Variants in POLG observed in about 807,000 individuals in gnomAD.
The protein encoded by POLG is DNA polymerase gamma, catalytic subunit.
A neutral mutation model predicts 155.4 loss-of-function variants in POLG; 110 were observed. The ratio of observed to expected loss-of-function variants is 0.71; its 90% CI spans 0.61 to 0.83. The LOEUF is 0.83. Among genes scored for constraint, POLG ranks in the 40% least tolerant of loss-of-function variants. POLG has a pLI of 0.00. For synonymous variants in POLG, 701 were observed against 631.5 expected (o/e 1.11, Z -1.65); for missense variants, 1,685 against 1,627.5 (o/e 1.04, Z -0.61).
At chr15:89,328,587 C>T in intron 5 of POLG, 52 bp from the exon 6 acceptor site, 1 of 1,606,004 alleles carries the variant, frequency 6.2e-7, no homozygotes, top group Non-Finnish European at 8.5e-7. Flanking sequence ...CCATTACCAC[C>T]ACCAGCTCTC....
In POLG at chr15:89,325,503, G is replaced by C. The variant is rs773697653; in HGVS notation, c.1896C>G (p.Ala632=). The C allele has an allele frequency of 2.5e-6, 4 of 1,610,300 alleles. No homozygotes were observed. In the East Asian group the frequency reaches 8.9e-5, roughly 36 times the overall value. ...CCAGGGTGGTACCTGTCGGCAGCTT[G>C]GCCAGGTTGTCCCGCCGCCCAGGCA... ...YLVPGRRDNL[A]KLPTGTTLES... The change falls in exon 10 of 23, where the codon GCC becomes GCG. Residue 632 remains alanine, a synonymous_variant. Coordinates refer to ENST00000268124, the MANE Select transcript of POLG (RefSeq NM_002693.3).
Position 89,333,720 on chromosome 15 carries a change from G to A in POLG, c.35C>T (p.Ala12Val), listed in dbSNP as rs1438282314. Residue 12 changes from alanine (A) to valine (V), a missense_variant, in exon 2 of 23, where the codon GCC becomes GTC. Around this residue, in one of 3 missense-constraint regions of POLG, gnomAD observed 1,210 missense variants for 1,167.1 expected, o/e 1.04. Transcript: ENST00000268124. ...SRLLWRKVAG[A>V]TVGPGPVPAP... is the part of the protein sequence containing the mutation. ...TGGAACCGGCCCTGGCCCGACGGTGGCGCCGGCCACCTTCCTCCAGAGCAG... is the reference window on the plus strand; with the variant it reads ...TGGAACCGGCCCTGGCCCGACGGTGACGCCGGCCACCTTCCTCCAGAGCAG... The A allele has an allele frequency of 2.6e-6, 4 of 1,536,346 alleles. No individual in the cohort carries two copies. The highest frequency in any genetic ancestry group is 2.4e-5 in the East Asian group (1 of 40,940).
At chr15:89,320,492 T>C (rs1289419824) in intron 18 of POLG, among the ~76,000 whole-genome samples, 10 of 152,220 alleles carry the variant, frequency 6.6e-5, no homozygotes, top group Admixed American at 6.5e-4. Context: ...TTATGCAGCA[T>C]AATCAGAATT....
intron 9 of POLG, among the ~76,000 whole-genome samples, chr15:89,326,126 C>G (rs2055513980): frequency 6.6e-6 from 1 of 152,196 alleles, no homozygotes; most frequent in Non-Finnish European, 1.5e-5. Flanking sequence ...GACACTTGCT[C>G]TCAGGGTCTT....
chr15:89,319,843 C>A lies in POLG; in HGVS notation c.2982-493G>T, dbSNP rs567564610. 9.8e-5 allele frequency among the ~76,000 whole-genome samples: 15 copies of A among 152,306 alleles called. No individual in the cohort carries two copies. In the East Asian group the frequency reaches 2.3e-3, roughly 24 times the overall value. ...CCCTCTCAACTGCCACAACCCTAGACAACTCCCAGCTTCCATCTAACCTGC... is the reference window on the plus strand; with the variant it reads ...CCCTCTCAACTGCCACAACCCTAGAAAACTCCCAGCTTCCATCTAACCTGC... On this transcript the variant is annotated intron_variant, in intron 18 of 22. Coordinates refer to ENST00000268124, the MANE Select transcript of POLG (RefSeq NM_002693.3).
Position 89,318,726 on chromosome 15 carries a change from C to G in POLG, c.3297G>C (p.Trp1099Cys). 6.2e-7 allele frequency: 1 copy of G among 1,614,164 alleles called. No homozygotes were observed. Among genetic ancestry groups the G allele is most frequent in the Non-Finnish European group, 8.5e-7 (1 of 1,180,020 alleles). ...AGTCAACAGCAGAGCTCTGTACCAC[C>G]CAATTCACACGGCTGGTCATAAACT... The part of the protein sequence containing the change: ...QEEFMTSRVN[W>C]VVQSSAVDYL... The change falls in exon 21 of 23, where the codon TGG (tryptophan) becomes TGC (cysteine). Residue 1099 changes from tryptophan to cysteine, a missense_variant. Physicochemically the swap from Trp to Cys is radical, Grantham distance 215 (BLOSUM62 -2). This residue lies in a region of POLG where 470 missense variants were observed against 439.9 expected (regional missense o/e 1.07). Coordinates refer to ENST00000268124, the MANE Select transcript of POLG (RefSeq NM_002693.3).
At chr15:89,320,523 T>A (rs1000050379) in intron 18 of POLG, among the ~76,000 whole-genome samples, 1 of 152,224 alleles carries the variant, frequency 6.6e-6, no homozygotes. Context: ...TACCACTTGG[T>A]AACAGTATAC....
rs773093823 is a variant in POLG at position 89,318,741 on chromosome 15, G to C, written c.3282C>G (p.Thr1094=). The change falls in exon 21 of 23, where the codon ACC becomes ACG. Residue 1094 remains threonine, a synonymous_variant. Coordinates refer to ENST00000268124, the MANE Select transcript of POLG (RefSeq NM_002693.3). Reference sequence around the variant, plus strand: ...TCTGTACCACCCAATTCACACGGCTGGTCATAAACTGGGAAGGGAAGGTGG... The same window carrying C: ...TCTGTACCACCCAATTCACACGGCTCGTCATAAACTGGGAAGGGAAGGTGG... ...EPSAVQEEFM[T]SRVNWVVQSS... is the part of the protein sequence containing the mutation. 4.6e-5 allele frequency: 75 copies of C among 1,613,832 alleles called. 1 individual carries two copies. In the Middle Eastern group the frequency reaches 9.9e-4, roughly 21 times the overall value.
intron 22 of POLG, 91 bp downstream of exon 22, chr15:89,317,285 T>G (rs973803189): frequency 8.2e-7 from 1 of 1,226,690 alleles, no homozygotes; most frequent in African/African-American, 1.5e-5. Context: ...GAGTGGATTC[T>G]CTGGGGCCCC....
chr15:89,318,599 G>A lies in POLG; in HGVS notation c.3424C>T (p.Arg1142Trp), dbSNP rs2307442. Reference sequence around the variant, plus strand: ...GCAGCGCGGTAGCGGTCCTCCTCCCGCACCAGGTAGCGAACCTCGTCATGG... The same window carrying A: ...GCAGCGCGGTAGCGGTCCTCCTCCCACACCAGGTAGCGAACCTCGTCATGG... Reference protein sequence around the residue: ...SIHDEVRYLVREEDRYRAALA... With the variant: ...SIHDEVRYLVWEEDRYRAALA... The change falls in exon 21 of 23, where the codon CGG (arginine) becomes TGG (tryptophan). Residue 1142 changes from arginine to tryptophan, a missense_variant. Coordinates refer to ENST00000268124, the MANE Select transcript of POLG (RefSeq NM_002693.3). The A allele has an allele frequency of 3.2e-5, 51 of 1,614,112 alleles. No individual in the cohort carries two copies. The highest frequency in any genetic ancestry group is 3.1e-4 in the African/African-American group (23 of 75,056).
At chr15:89,321,359 C>CA in intron 16 of POLG, 99 bp from the exon 17 acceptor site, 2 of 1,395,586 alleles carry the variant, frequency 1.4e-6, no homozygotes, top group Non-Finnish European at 2.0e-6. Flanking sequence ...GAGGGGATGG[C>CA]TTTAGAGAAT....
At position 89,316,616 on chromosome 15, in the gene POLG, G is replaced by T. The variant is rs544746243; in HGVS notation, c.*135C>A. 2 of 1,097,392 alleles carry T rather than the reference G, an allele frequency of 1.8e-6. No individual in the cohort carries two copies. The highest frequency in any genetic ancestry group is 3.1e-5 in the African/African-American group (2 of 64,480). 68.0% of individuals were successfully genotyped at this position (1,097,392 alleles called of 1,614,324 possible). ...CCTTCAGTTAGAAGGAATCTTCTTG[G>T]CAGGTCCTGCTACTGAAAAATGGCT... On this transcript the variant is annotated 3_prime_UTR_variant, in exon 23 of 23. Transcript: ENST00000268124.
At position 89,328,925 on chromosome 15, in the gene POLG, C is replaced by T. The variant is rs2055558777; in HGVS notation, c.1023+18G>A. On this transcript the variant is annotated intron_variant, in intron 4 of 22. Transcript: ENST00000268124. ...GTCCCAAGCACTATGCTCCTGCCCA[C>T]CGGCAGTGTGCTCTCACCGCTGGGC... 6.2e-7 allele frequency: 1 copy of T among 1,614,102 alleles called. No individual in the cohort carries two copies. The highest frequency in any genetic ancestry group is 8.5e-7 in the Non-Finnish European group (1 of 1,180,022).
At position 89,328,822 on chromosome 15, in the gene POLG, A is replaced by G; in HGVS notation, c.1033T>C (p.Trp345Arg). ...KARRGPAISS[W>R]DWLDISSVNS... ...ACACTGCTGATGTCCAGCCAGTCCC[A>G]GGATGAGATCTGGGGAACCAGAGCA... The change falls in exon 5 of 23, where the codon TGG (tryptophan) becomes CGG (arginine). Residue 345 changes from tryptophan (W) to arginine (R), a missense_variant. Trp to Arg is a moderately radical substitution (Grantham distance 101, BLOSUM62 -3). Coordinates refer to ENST00000268124, the MANE Select transcript of POLG (RefSeq NM_002693.3). The G allele has an allele frequency of 6.2e-7, 1 of 1,614,136 alleles. No homozygotes were observed. The highest frequency in any genetic ancestry group is 2.2e-5 in the East Asian group (1 of 44,886).
chr15:89,321,193 G>C lies in POLG; in HGVS notation c.2666C>G (p.Ala889Gly). 1 of 1,614,236 alleles carries C rather than the reference G, an allele frequency of 6.2e-7. No individual in the cohort carries two copies. Among genetic ancestry groups the C allele is most frequent in the Non-Finnish European group, 8.5e-7 (1 of 1,180,020 alleles). ...CCACAGCTCTTGGGAGTCCACATCA[G>C]CACCCACAAGGGTGTAGCCAGGTGG... is the stretch of plus-strand genomic sequence containing the variant. ...QAPPGYTLVG[A>G]DVDSQELWIA... Residue 889 changes from alanine (A) to glycine (G), a missense_variant, in exon 17 of 23, where the codon GCT (alanine) becomes GGT (glycine). Physicochemically the swap from Ala to Gly is moderately conservative, Grantham distance 60 (BLOSUM62 0). This residue lies in a region of POLG where 1,210 missense variants were observed against 1,167.1 expected (regional missense o/e 1.04). Coordinates refer to ENST00000268124, the MANE Select transcript of POLG (RefSeq NM_002693.3).
chr15:89,325,125 AGTGAGAGAGT>A (rs2055473248), intron 10 of POLG, among the ~76,000 whole-genome samples: 1 of 69,300 alleles, frequency 1.4e-5, no homozygotes, highest in African/African-American at 5.0e-5. Context: ...TGAGTGAGTG[AGTGAGAGAGT>A]GAGTGAGAGA....
intron 12 of POLG, 97 bp downstream of exon 12, chr15:89,323,718 G>T: frequency 9.3e-7 from 1 of 1,075,564 alleles, no homozygotes; most frequent in Non-Finnish European, 1.4e-6. Context: ...ACCCCCTTAA[G>T]ACCTAGGGAA....
rs1567185722 is a variant in POLG, at chr15:89,319,164, T to C, written c.3104+64A>G. 6.2e-7 allele frequency: 1 copy of C among 1,614,148 alleles called. No homozygotes were observed. The highest frequency in any genetic ancestry group is 8.5e-7 in the Non-Finnish European group (1 of 1,180,018). ...CATCTCAAAGCTAAAAAACAAAGCA[T>C]CCAAGCTCTTCTGGGGCAAGCCCAG... On this transcript the variant is annotated intron_variant, in intron 19 of 22. Transcript: ENST00000268124.
Position 89,326,895 on chromosome 15 carries a change from C to A in POLG, c.1585+17G>T, listed in dbSNP as rs780128576. On this transcript the variant is annotated intron_variant, in intron 8 of 22. Transcript: ENST00000268124. ...GACAACCCCTACCCTACCCTACCTC[C>A]CACCCATGCTCCCCACCTTCCTGAT... is the stretch of plus-strand genomic sequence containing the variant. 1.9e-6 allele frequency: 3 copies of A among 1,613,736 alleles called. No individual in the cohort carries two copies. The highest frequency in any genetic ancestry group is 2.5e-6 in the Non-Finnish European group (3 of 1,179,896).
Sources: allele counts gnomAD v4.1 joint callset (sites outside exome capture counted in the v4.1 genomes callset), GRCh38; gene constraint gnomAD v4.1.1; regional missense constraint gnomAD v4.1.1; transcripts MANE v1.5; gene names NCBI Gene and HGNC (gene_info 2026-07-23, HGNC 2026-07-21).